Variants in DSCAM observed in about 807,000 individuals in gnomAD.
DSCAM encodes DS cell adhesion molecule.
A neutral mutation model predicts 217.7 loss-of-function variants in DSCAM; 47 were observed. The ratio of observed to expected loss-of-function variants is 0.22; its 90% confidence interval spans 0.17 to 0.28. DSCAM has a LOEUF of 0.28. Among genes scored for constraint, DSCAM ranks in the 10% least tolerant of loss-of-function variants. DSCAM has a pLI of 1.00. For synonymous variants in DSCAM, 1,056 were observed against 1,015.3 expected, an observed-to-expected ratio of 1.04 and a Z score of -0.76; for missense variants, 2,080 against 2,618.3, an observed-to-expected ratio of 0.79 and a Z score of 4.49.
intron 1 of DSCAM, among the ~76,000 whole-genome samples, chr21:40,816,630 C>G (rs924639886): frequency 5.9e-5 from 9 of 152,208 alleles, no homozygotes; most frequent in African/African-American, 2.2e-4. Context: ...TCAAAAGATA[C>G]AATAACAGGA....
At chr21:40,680,699 G>T (rs947874200) in intron 3 of DSCAM, among the ~76,000 whole-genome samples, 1 of 152,154 alleles carries the variant, frequency 6.6e-6, no homozygotes, top group African/African-American at 2.4e-5. Flanking sequence ...CAGCATCATT[G>T]TATTTTCAGG....
At chr21:40,451,461 T>C (rs562937531) in intron 3 of DSCAM, among the ~76,000 whole-genome samples, 2 of 152,274 alleles carry the variant, frequency 1.3e-5, no homozygotes, top group South Asian at 4.1e-4. Flanking sequence ...AATTGAGTGT[T>C]TCTTGGTTTT....
intron 3 of DSCAM, among the ~76,000 whole-genome samples, chr21:40,439,520 C>T (rs373624941): frequency 1.4e-4 from 22 of 152,164 alleles, no homozygotes; most frequent in Non-Finnish European, 2.8e-4. Flanking sequence ...AGCATGTATT[C>T]GGAACCTCAG....
intron 1 of DSCAM, among the ~76,000 whole-genome samples, chr21:40,822,120 A>C (rs1171860253): frequency 3.3e-5 from 5 of 151,644 alleles, no homozygotes; most frequent in Non-Finnish European, 7.4e-5. Flanking sequence ...GGAGTTTGAG[A>C]CCAGCCTGGC....
At chr21:40,563,746 TTA>T (rs1359052391) in intron 3 of DSCAM, among the ~76,000 whole-genome samples, 44 of 143,912 alleles carry the variant, frequency 3.1e-4, no homozygotes, top group Non-Finnish European at 4.7e-4. Context: ...TTATATATAG[TTA>T]TATGTTTATA....
intron 15 of DSCAM, among the ~76,000 whole-genome samples, chr21:40,171,166 C>T (rs892060114): frequency 2.1e-4 from 32 of 152,174 alleles, no homozygotes; most frequent in African/African-American, 5.6e-4. Flanking sequence ...CAACCTCTAC[C>T]GCCCAGGTTC....
chr21:40,093,677 G>A, intron 21 of DSCAM, 44 bp downstream of exon 21: 1 of 1,607,338 alleles, frequency 6.2e-7, no homozygotes. Flanking sequence ...CTTAAAAACA[G>A]TCAAGTTACA....
chr21:40,491,874 C>G (rs886676623), intron 3 of DSCAM, among the ~76,000 whole-genome samples: 2 of 152,200 alleles, frequency 1.3e-5, no homozygotes, highest in Non-Finnish European at 2.9e-5. Context: ...ATTGCCAACC[C>G]CTATGCCATC....
At chr21:40,800,032 G>A (rs2091725536) in intron 1 of DSCAM, among the ~76,000 whole-genome samples, 1 of 152,126 alleles carries the variant, frequency 6.6e-6, no homozygotes, top group African/African-American at 2.4e-5. Flanking sequence ...TGGATTAATA[G>A]ATTATCACAG....
chr21:40,773,143 T>A (rs2091460731), intron 1 of DSCAM, among the ~76,000 whole-genome samples: 1 of 152,204 alleles, frequency 6.6e-6, no homozygotes, highest in Admixed American at 6.5e-5. Flanking sequence ...GTTCAACCAA[T>A]CCTTCATCAG....
At position 40,708,629 on chromosome 21, in the gene DSCAM, C is replaced by T. The variant is rs754899814; in HGVS notation, c.186G>A (p.Thr62=). 8.7e-6 allele frequency: 14 copies of T among 1,612,850 alleles called. No individual in the cohort carries two copies. Among genetic ancestry groups the T allele is most frequent in the African/African-American group, 2.7e-5 (2 of 74,920 alleles). The change falls in exon 2 of 33, where the codon ACG becomes ACA. Residue 62 remains threonine, a synonymous_variant. Transcript: ENST00000400454. ...PPVTLRWYLA[T]GEEIYDVPGI... ...CGGGGACATCGTAGATCTCCTCGCC[C>T]GTGGCTAGGTACCATCTGAGAGTCA...
intron 26 of DSCAM, among the ~76,000 whole-genome samples, chr21:40,076,397 G>A (rs534947395): frequency 6.6e-6 from 1 of 152,250 alleles, no homozygotes; most frequent in South Asian, 2.1e-4. Flanking sequence ...AACCTGAGTG[G>A]TATGAATGTA....
At chr21:40,271,471 A>G (rs1195215109) in intron 11 of DSCAM, among the ~76,000 whole-genome samples, 1 of 152,210 alleles carries the variant, frequency 6.6e-6, no homozygotes, top group Non-Finnish European at 1.5e-5. Flanking sequence ...CCAGTGGCAG[A>G]AAGTTGGGAG....
chr21:40,593,542 A>G (rs2076999246), intron 3 of DSCAM, among the ~76,000 whole-genome samples: 1 of 152,054 alleles, frequency 6.6e-6, no homozygotes, highest in Non-Finnish European at 1.5e-5. Context: ...TTTACTGGTG[A>G]AACCAGTTGG....
At chr21:40,717,182 C>T (rs1568999885) in intron 1 of DSCAM, among the ~76,000 whole-genome samples, 2 of 152,330 alleles carry the variant, frequency 1.3e-5, no homozygotes, top group African/African-American at 4.8e-5. Flanking sequence ...TCTTCAGCAC[C>T]TACCATGTAT....
chr21:40,327,991 G>A (rs1017484328), intron 8 of DSCAM, among the ~76,000 whole-genome samples: 1 of 152,070 alleles, frequency 6.6e-6, no homozygotes, highest in African/African-American at 2.4e-5. Flanking sequence ...AAGAAGTTGA[G>A]AAAGACAGAA....
intron 3 of DSCAM, among the ~76,000 whole-genome samples, chr21:40,483,699 T>C (rs184162970): frequency 2.6e-5 from 4 of 152,310 alleles, no homozygotes; most frequent in Admixed American, 6.5e-5. Flanking sequence ...TTAATAAACC[T>C]AGATTACTAT....
chr21:40,499,126 T>C (rs976545858), intron 3 of DSCAM, among the ~76,000 whole-genome samples: 1 of 152,072 alleles, frequency 6.6e-6, no homozygotes, highest in African/African-American at 2.4e-5. Flanking sequence ...TAAATTTACC[T>C]AAGCTAGAAA....
At chr21:40,530,827 G>A (rs1399285090) in intron 3 of DSCAM, among the ~76,000 whole-genome samples, 4 of 151,902 alleles carry the variant, frequency 2.6e-5, no homozygotes, top group African/African-American at 9.7e-5. Flanking sequence ...CACATCCGTG[G>A]TGTCCATCAA....
Sources: gnomAD v4.1 joint callset for allele counts (sites outside exome capture counted in the v4.1 genomes callset) on GRCh38, gnomAD v4.1.1 for gene constraint, MANE v1.5 for transcripts, NCBI Gene and HGNC (gene_info 2026-07-23, HGNC 2026-07-21) for gene names.